IER3IP1: variants seen among roughly 807,000 people sequenced by gnomAD.
The protein encoded by IER3IP1 is immediate early response 3-interacting protein 1.
Under a neutral mutation model 12.2 loss-of-function variants are expected in IER3IP1, and 16 were observed. That is an observed-to-expected ratio of 1.31 (90% confidence interval 0.89 to 1.99). IER3IP1 has a LOEUF of 1.99. Among genes scored for constraint, IER3IP1 ranks in the 30% most tolerant of loss-of-function variants. The pLI, the probability that IER3IP1 is intolerant of heterozygous loss-of-function variation, is 0.00. For missense variants in IER3IP1, 95 were observed against 95.8 expected, an observed-to-expected ratio of 0.99 and a Z score of 0.03; for synonymous variants, 42 against 40.0, an observed-to-expected ratio of 1.05 and a Z score of -0.19.
At chr18:47,157,919 C>T (rs1362702020) in intron 1 of IER3IP1, among the ~76,000 whole-genome samples, 1 of 152,054 alleles carries the variant, frequency 6.6e-6, no homozygotes, top group Non-Finnish European at 1.5e-5. Context: ...ATAATTAGCT[C>T]AATTCAGAAT....
At chr18:47,161,718 G>A (rs1443747800) in intron 1 of IER3IP1, among the ~76,000 whole-genome samples, 2 of 152,016 alleles carry the variant, frequency 1.3e-5, no homozygotes, top group African/African-American at 4.8e-5. Context: ...GGGGGTGGTG[G>A]TGGTTTCAGG....
intron 1 of IER3IP1, among the ~76,000 whole-genome samples, chr18:47,165,219 A>C (rs1222493280): frequency 1.3e-5 from 2 of 152,068 alleles, no homozygotes; most frequent in African/African-American, 4.8e-5. Context: ...TACACAAAGA[A>C]CTCTGCTAAT....
At chr18:47,167,066 T>C (rs895738152) in intron 1 of IER3IP1, among the ~76,000 whole-genome samples, 3 of 152,080 alleles carry the variant, frequency 2.0e-5, no homozygotes, top group Admixed American at 6.6e-5. Context: ...TTTTTTTTTT[T>C]CTGAGATGGA....
intron 2 of IER3IP1, 163 bp downstream of exon 2, chr18:47,157,273 G>GAAAAA: frequency 4.0e-6 from 2 of 501,340 alleles, no homozygotes; most frequent in Non-Finnish European, 6.7e-6. Flanking sequence ...AGCAAACTAA[G>GAAAAA]AAAAAAAAAA....
In IER3IP1 at chr18:47,155,283, A is replaced by G. The variant is rs796234358; in HGVS notation, c.*894T>C. 1 of 152,336 alleles carries G rather than the reference A, an allele frequency of 6.6e-6. No individual in the cohort carries two copies. Among genetic ancestry groups the G allele is most frequent in the African/African-American group, 2.4e-5 (1 of 41,580 alleles). The allele number at this position is 152,336 out of a possible 1,614,324, so 9.4% of individuals were successfully genotyped here. On this transcript the variant is annotated 3_prime_UTR_variant, in exon 3 of 3. Coordinates refer to ENST00000256433, the MANE Select transcript of IER3IP1 (RefSeq NM_016097.5). ...TGACAAACTCAATGAAGAATTAAGA[A>G]TCACACTCCACAATGTGCTGCTCCA...
chr18:47,174,396 A>G (rs17784414), intron 1 of IER3IP1, among the ~76,000 whole-genome samples: 13,820 of 152,204 alleles, frequency 0.091, 710 homozygotes, highest in Non-Finnish European at 0.12. Context: ...ACCCACTTGT[A>G]TCTACTTGCC....
chr18:47,159,415 C>T (rs762913471), intron 1 of IER3IP1, among the ~76,000 whole-genome samples: 14 of 152,196 alleles, frequency 9.2e-5, no homozygotes, highest in Non-Finnish European at 1.6e-4. Context: ...CATGCATGCA[C>T]AATGCCTAAA....
At chr18:47,163,502 G>T (rs922274486) in intron 1 of IER3IP1, among the ~76,000 whole-genome samples, 3 of 152,208 alleles carry the variant, frequency 2.0e-5, no homozygotes, top group Non-Finnish European at 4.4e-5. Context: ...TTTTCAGACT[G>T]TGATTGACTG....
At chr18:47,164,639 A>G (rs114475395) in intron 1 of IER3IP1, among the ~76,000 whole-genome samples, 7,961 of 151,954 alleles carry the variant, frequency 0.052, 255 homozygotes, top group East Asian at 0.091. Context: ...AAAGTTAGCC[A>G]GGTGTGGTGT....
intron 1 of IER3IP1, among the ~76,000 whole-genome samples, chr18:47,162,515 C>T (rs1461384807): frequency 6.6e-6 from 1 of 152,064 alleles, no homozygotes; most frequent in Admixed American, 6.6e-5. Flanking sequence ...AAACAGAATA[C>T]CCTAAGAACA....
At chr18:47,173,085 G>A (rs1422889407) in intron 1 of IER3IP1, among the ~76,000 whole-genome samples, 1 of 152,148 alleles carries the variant, frequency 6.6e-6, no homozygotes, top group Non-Finnish European at 1.5e-5. Flanking sequence ...TCGTGCTGCT[G>A]TTCTATGGAT....
chr18:47,166,245 TATAATG>T (rs2063995608), intron 1 of IER3IP1, among the ~76,000 whole-genome samples: 1 of 152,194 alleles, frequency 6.6e-6, no homozygotes, highest in Admixed American at 6.5e-5. Flanking sequence ...ATTGCAAGAA[TATAATG>T]ATAAAGTTAT....
rs1194306730 is a variant in IER3IP1 at position 47,153,061 on chromosome 18, A to G, written c.*3116T>C. 2.0e-5 allele frequency: 3 copies of G among 152,136 alleles called. No homozygotes were observed. The highest frequency in any genetic ancestry group is 2.9e-5 in the Non-Finnish European group (2 of 68,030). The allele number at this position is 152,136 out of a possible 1,614,324, so 9.4% of individuals were successfully genotyped here. A position where few individuals can be genotyped will look rare whatever the true frequency, so the allele number is the denominator to read the frequency against. Reference sequence around the variant, plus strand: ...TAAAAGGTTTGCTTGATATATTAGAAATATCTTGCCTCCTAGTCTTTTTAC... The same window carrying G: ...TAAAAGGTTTGCTTGATATATTAGAGATATCTTGCCTCCTAGTCTTTTTAC... On this transcript the variant is annotated 3_prime_UTR_variant, in exon 3 of 3. Coordinates refer to ENST00000256433, the MANE Select transcript of IER3IP1 (RefSeq NM_016097.5).
At chr18:47,160,917 CTTT>C (rs1347402739) in intron 1 of IER3IP1, among the ~76,000 whole-genome samples, 1 of 152,140 alleles carries the variant, frequency 6.6e-6, no homozygotes, top group Non-Finnish European at 1.5e-5. Context: ...CTTTTACATT[CTTT>C]TGTTATTCTC....
intron 1 of IER3IP1, among the ~76,000 whole-genome samples, chr18:47,167,638 G>A (rs977060571): frequency 1.3e-5 from 2 of 152,052 alleles, no homozygotes; most frequent in Non-Finnish European, 2.9e-5. Flanking sequence ...AATTAGCTGT[G>A]GAGATGGAAT....
chr18:47,157,654 CTT>C (rs754332882), intron 1 of IER3IP1, 117 bp from the exon 2 acceptor site: 679 of 897,356 alleles, frequency 7.6e-4, no homozygotes, highest in Non-Finnish European at 1.1e-3. Flanking sequence ...AGTCATATGA[CTT>C]TTAAGAAAAG....
At chr18:47,170,143 A>G (rs1161363373) in intron 1 of IER3IP1, among the ~76,000 whole-genome samples, 2 of 152,042 alleles carry the variant, frequency 1.3e-5, no homozygotes, top group Non-Finnish European at 2.9e-5. Context: ...TTTTTTTTAT[A>G]TGGCTATTCA....
intron 1 of IER3IP1, among the ~76,000 whole-genome samples, chr18:47,163,573 C>A (rs750216035): frequency 6.6e-6 from 1 of 152,196 alleles, no homozygotes; most frequent in African/African-American, 2.4e-5. Flanking sequence ...TATACTTGTG[C>A]TCGCTCAAGC....
rs1431261348 is a variant in IER3IP1, at chr18:47,154,514, CTT to C, written c.*1661_*1662del. 1 of 152,234 alleles carries C rather than the reference CTT, an allele frequency of 6.6e-6. No homozygotes were observed. The highest frequency in any genetic ancestry group is 1.5e-5 in the Non-Finnish European group (1 of 68,038). The allele number at this position is 152,234 out of a possible 1,614,324, so 9.4% of individuals were successfully genotyped here. A position where few individuals can be genotyped will look rare whatever the true frequency, so the allele number is the denominator to read the frequency against. ...AAAATAACATCAGATCAAGGTCTCT[CTT>C]TTCTTTCATTTTAAAAAATTTTGTA... On this transcript the variant is annotated 3_prime_UTR_variant, in exon 3 of 3. Coordinates refer to ENST00000256433, the MANE Select transcript of IER3IP1 (RefSeq NM_016097.5).
Sources: gnomAD v4.1 joint callset for allele counts (sites outside exome capture counted in the v4.1 genomes callset) on GRCh38, gnomAD v4.1.1 for gene constraint, MANE v1.5 for transcripts, NCBI Gene and HGNC (gene_info 2026-07-23, HGNC 2026-07-21) for gene names.